The following RFX2 variants were observed in gnomAD, a reference collection of about 807,000 sequenced individuals.
The protein encoded by RFX2 is regulatory factor X2.
Under a neutral mutation model 87.8 loss-of-function variants are expected in RFX2, and 20 were observed. The ratio of observed to expected loss-of-function variants is 0.23; its 90% CI spans 0.16 to 0.33. The LOEUF is 0.33. RFX2 is among the 10% of genes least tolerant of loss of function. The probability of loss-of-function intolerance (pLI) is 1.00; values close to 1 mark genes in which losing one functional copy is unlikely to be tolerated. For missense variants in RFX2, 767 were observed against 1,012.3 expected (o/e 0.76, Z 3.29); for synonymous variants, 397 against 431.3 (o/e 0.92, Z 0.98).
chr19:6,047,464 T>A lies in RFX2; in HGVS notation c.33A>T (p.Pro11=), dbSNP rs1200578294. The change falls in exon 2 of 18, where the codon CCA becomes CCT. Residue 11 remains proline (P), a synonymous_variant. Coordinates refer to ENST00000303657, the MANE Select transcript of RFX2 (RefSeq NM_000635.4). This position sits in a 1 kb window ranked among gnomAD's most constrained non-coding sequence, Gnocchi z 4.2. MQNSEGGADS[P]ASVALRPSAA... ...CCGAGGGACGCAGAGCCACGGACGC[T>A]GGCGAATCCGCTCCACCCTCGGAAT... The A allele has an allele frequency of 6.2e-7, 1 of 1,607,722 alleles. No homozygotes were observed.
intron 1 of RFX2, chr19:6,073,203 C>G: frequency 1.9e-6 from 1 of 521,854 alleles, no homozygotes; most frequent in Non-Finnish European, 3.5e-6. Context: ...TGGTCTCAAA[C>G]TCCTGACCTC....
At position 6,013,155 on chromosome 19, in the gene RFX2, A is replaced by G. The variant is rs1400045209; in HGVS notation, c.780-50T>C. On this transcript the variant is annotated intron_variant, in intron 7 of 17. Transcript: ENST00000303657. The surrounding 1 kb of genome is among the most constrained non-coding windows in gnomAD (Gnocchi z 4.1). ...AGCTCCCTTTGCAGATGTCCTGAAC[A>G]ACAAGACAGGTTGGGATTCTTTTTC... 2.6e-6 allele frequency: 4 copies of G among 1,517,910 alleles called. No individual in the cohort carries two copies. The South Asian group carries it at 5.1e-5, about 19-fold the overall frequency. The allele number at this position is 1,517,910 out of a possible 1,614,324, so 94.0% of individuals were successfully genotyped here. A position where few individuals can be genotyped will look rare whatever the true frequency, so the allele number is the denominator to read the frequency against.
chr19:6,033,710 G>T (rs1166797759), intron 5 of RFX2, among the ~76,000 whole-genome samples: 1 of 145,846 alleles, frequency 6.9e-6, no homozygotes, highest in East Asian at 2.0e-4. Flanking sequence ...ATACCACCAA[G>T]AGTGAACCCT....
In RFX2 at chr19:6,061,515, G is replaced by T. The variant is rs1018433457; in HGVS notation, c.-8-14011C>A. ...CTTGTCACCTGAAGACTGTCCGTAG[G>T]CAGGCAGAGAGCCCTGCCCCACAGA... On this transcript the variant is annotated intron_variant, in intron 1 of 17. Coordinates refer to ENST00000303657, the MANE Select transcript of RFX2 (RefSeq NM_000635.4). This position sits in a 1 kb window ranked among gnomAD's most constrained non-coding sequence, Gnocchi z 5.2. Among the ~76,000 whole-genome samples, 5 of 152,352 alleles carry T rather than the reference G, an allele frequency of 3.3e-5. No individual in the cohort carries two copies. Among genetic ancestry groups the T allele is most frequent in the Admixed American group, 1.3e-4 (2 of 15,306 alleles).
At position 6,038,343 on chromosome 19, in the gene RFX2, A is replaced by C. The variant is rs1481577936; in HGVS notation, c.522+1637T>G. Among the ~76,000 whole-genome samples the C allele has an allele frequency of 2.7e-5, 4 of 150,472 alleles. No individual in the cohort carries two copies. The South Asian group carries it at 6.2e-4, about 23-fold the overall frequency. ...CTCCGTCTCAGAAAAAAAAAAAAAA[A>C]AAAAAAAAACCCAAAACAAAAGTAA... On this transcript the variant is annotated intron_variant, in intron 5 of 17. Transcript: ENST00000303657.
intron 1 of RFX2, among the ~76,000 whole-genome samples, chr19:6,094,144 C>A (rs917736999): frequency 6.6e-6 from 1 of 152,026 alleles, no homozygotes; most frequent in South Asian, 2.1e-4. Flanking sequence ...GTTTTACAGG[C>A]CTGTGAAATA....
Position 6,099,795 on chromosome 19 carries a change from ACTT to A in RFX2, c.-9+10595_-9+10597del, listed in dbSNP as rs1259472548. The stretch of plus-strand genomic sequence containing the variant: ...AGGCAATTTGCCTGCAGTCCTTGCC[ACTT>A]CTTGTTGATTAGTCCAGCAGCCCCC... On this transcript the variant is annotated intron_variant, in intron 1 of 17. Coordinates refer to ENST00000303657, the MANE Select transcript of RFX2 (RefSeq NM_000635.4). Among the ~76,000 whole-genome samples the A allele has an allele frequency of 4.6e-5, 7 of 152,270 alleles. No homozygotes were observed. In the East Asian group the frequency reaches 1.4e-3, roughly 29 times the overall value.
intron 1 of RFX2, among the ~76,000 whole-genome samples, chr19:6,060,108 C>T (rs1227574865): frequency 6.6e-6 from 1 of 152,182 alleles, no homozygotes; most frequent in African/African-American, 2.4e-5. Flanking sequence ...CGCCTCTGCA[C>T]CTCCTGGCTC....
intron 1 of RFX2, among the ~76,000 whole-genome samples, chr19:6,090,581 C>A (rs939793100): frequency 6.6e-6 from 1 of 152,132 alleles, no homozygotes; most frequent in African/African-American, 2.4e-5. Context: ...GGAGCCCTCA[C>A]TCCCTGCCGG....
chr19:6,055,571 G>A (rs1304871419), intron 1 of RFX2, among the ~76,000 whole-genome samples: 4 of 152,070 alleles, frequency 2.6e-5, no homozygotes, highest in Non-Finnish European at 2.9e-5. Flanking sequence ...CTACAGGCAC[G>A]CAGCACCATA....
chr19:6,075,424 C>T (rs1305592911), intron 1 of RFX2, among the ~76,000 whole-genome samples: 3 of 152,140 alleles, frequency 2.0e-5, no homozygotes, highest in Admixed American at 1.3e-4. Context: ...GAAGTATCAA[C>T]GGTCAATGGA....
intron 1 of RFX2, among the ~76,000 whole-genome samples, chr19:6,102,655 C>T (rs912648349): frequency 1.3e-5 from 2 of 152,228 alleles, no homozygotes; most frequent in Non-Finnish European, 2.9e-5. Context: ...CCTGCTGCCC[C>T]CTTCCTGGAA....
At chr19:6,096,287 G>A (rs2144893725) in intron 1 of RFX2, among the ~76,000 whole-genome samples, 1 of 152,290 alleles carries the variant, frequency 6.6e-6, no homozygotes, top group African/African-American at 2.4e-5. Flanking sequence ...ATGAAGAGTA[G>A]CCAACAACAA....
At chr19:6,041,495 A>G (rs185385510) in intron 4 of RFX2, among the ~76,000 whole-genome samples, 162 of 152,338 alleles carry the variant, frequency 1.1e-3, no homozygotes, top group Non-Finnish European at 1.9e-3. Context: ...ATCAAGTTCT[A>G]TCAACATTAT....
chr19:6,092,538 C>T (rs2087951726), intron 1 of RFX2, among the ~76,000 whole-genome samples: 1 of 152,166 alleles, frequency 6.6e-6, no homozygotes, highest in African/African-American at 2.4e-5. Context: ...CTCGAGTCCG[C>T]GCAGGAGTCA....
At chr19:6,005,242 A>C (rs2086565048) in intron 12 of RFX2, among the ~76,000 whole-genome samples, 1 of 152,256 alleles carries the variant, frequency 6.6e-6, no homozygotes. Flanking sequence ...CCAAATGAGA[A>C]ATGCAATACT....
chr19:6,008,111 A>G lies in RFX2; in HGVS notation c.1129T>C (p.Cys377Arg). The change falls in exon 10 of 18, where the codon TGC becomes CGC. Residue 377 changes from cysteine to arginine, a missense_variant. This residue lies in a region of RFX2 where 621 missense variants were observed against 873.0 expected (regional missense o/e 0.71). Transcript: ENST00000303657. ...GCCTGGGCTGGGGCGGTCACCTCGC[A>G]GTGCCGTCTGTACACCAGCTGCAGG... is the stretch of plus-strand genomic sequence containing the variant. ...KALQLVYRRH[C>R]EATVDVVMNL... The G allele has an allele frequency of 6.4e-7, 1 of 1,550,440 alleles. No individual in the cohort carries two copies. The highest frequency in any genetic ancestry group is 8.7e-7 in the Non-Finnish European group (1 of 1,146,304).
chr19:6,064,450 TC>T lies in RFX2; in HGVS notation c.-8-16947del, dbSNP rs1261640356. Among the ~76,000 whole-genome samples, 2 of 152,218 alleles carry T rather than the reference TC, an allele frequency of 1.3e-5. No homozygotes were observed. Among genetic ancestry groups the T allele is most frequent in the African/African-American group, 2.4e-5 (1 of 41,460 alleles). ...AAACCTGGCATGCGGAGGCCTCACC[TC>T]ACTCACCCTCTCCTGTCCCAGCTTC... On this transcript the variant is annotated intron_variant, in intron 1 of 17. Coordinates refer to ENST00000303657, the MANE Select transcript of RFX2 (RefSeq NM_000635.4). The surrounding 1 kb of genome is among the most constrained non-coding windows in gnomAD (Gnocchi z 4.8).
rs566261837 is a variant in RFX2 at position 6,022,807 on chromosome 19, C to T, written c.597+3356G>A. 2.0e-5 allele frequency among the ~76,000 whole-genome samples: 3 copies of T among 152,336 alleles called. No individual in the cohort carries two copies. Among genetic ancestry groups the T allele is most frequent in the South Asian group, 2.1e-4 (1 of 4,834 alleles). ...TGCAGACCTCCAGGCCCTGCAGACC[C>T]CCTGGGTCCAAGCCCCTAGAGGGGA... On this transcript the variant is annotated intron_variant, in intron 6 of 17. Transcript: ENST00000303657. This position sits in a 1 kb window ranked among gnomAD's most constrained non-coding sequence, Gnocchi z 6.2.
Sources: gnomAD v4.1 joint callset for allele counts (sites outside exome capture counted in the v4.1 genomes callset) on GRCh38, gnomAD v4.1.1 for gene constraint, gnomAD v4.1.1 regional missense constraint, Gnocchi (gnomAD v3.1) non-coding constraint, MANE v1.5 for transcripts, NCBI Gene and HGNC (gene_info 2026-07-23, HGNC 2026-07-21) for gene names.